The following TMEM201 variants were observed in gnomAD, a reference collection of about 807,000 sequenced individuals.
TMEM201 encodes the protein RP13-15M17.2.
Under a neutral mutation model 63.4 loss-of-function variants are expected in TMEM201, and 26 were observed. The ratio of observed to expected loss-of-function variants is 0.41; its 90% CI spans 0.30 to 0.57. The LOEUF (loss-of-function observed/expected upper bound fraction) is 0.57, where lower values mean the gene tolerates loss of function less well. Ranked by LOEUF, TMEM201 falls within the 20% of genes least tolerant of loss-of-function variation. TMEM201 has a pLI of 0.29. For synonymous variants in TMEM201, 417 were observed against 421.6 expected (o/e 0.99, Z 0.14); for missense variants, 794 against 917.7 (o/e 0.87, Z 1.74).
At chr1:9,609,506 T>C (rs1244513703) in intron 7 of TMEM201, among the ~76,000 whole-genome samples, 1 of 152,038 alleles carries the variant, frequency 6.6e-6, no homozygotes, top group Admixed American at 6.6e-5. Context: ...GAGTGGACAA[T>C]ATGCCCAGTG....
At chr1:9,594,416 G>A (rs182319978) in intron 1 of TMEM201, among the ~76,000 whole-genome samples, 52 of 152,250 alleles carry the variant, frequency 3.4e-4, no homozygotes, top group African/African-American at 1.2e-3. Context: ...GGCCTTCCCC[G>A]CAGGGCCTGG....
chr1:9,595,728 C>T (rs1026747665), intron 1 of TMEM201, among the ~76,000 whole-genome samples, 162 bp from the exon 2 acceptor site: 1 of 152,158 alleles, frequency 6.6e-6, no homozygotes, highest in Non-Finnish European at 1.5e-5. Flanking sequence ...AGCCCTTGTT[C>T]CTCCTGCTGT....
At position 9,607,515 on chromosome 1, in the gene TMEM201, C is replaced by G. The variant is rs991991069; in HGVS notation, c.1161-42C>G. ...CTGCAAGGCTGCCTCCAGGACCTCC[C>G]GCTGACCCTCTTCTTGTCCCGTGCC... On this transcript the variant is annotated intron_variant, in intron 6 of 10. Transcript: ENST00000340381. This position sits in a 1 kb window ranked among gnomAD's most constrained non-coding sequence, Gnocchi z 5.4. The G allele has an allele frequency of 6.7e-7, 1 of 1,490,296 alleles. No individual in the cohort carries two copies. Among genetic ancestry groups the G allele is most frequent in the Admixed American group, 2.0e-5 (1 of 49,112 alleles). The allele number at this position is 1,490,296 out of a possible 1,614,324, so 92.3% of individuals were successfully genotyped here. A position where few individuals can be genotyped will look rare whatever the true frequency, so the allele number is the denominator to read the frequency against.
chr1:9,589,351 C>T (rs1313539309), intron 1 of TMEM201, among the ~76,000 whole-genome samples: 1 of 152,260 alleles, frequency 6.6e-6, no homozygotes, highest in East Asian at 1.9e-4. Flanking sequence ...CCCCTGCCCT[C>T]AGCCCCGTGC....
intron 4 of TMEM201, 88 bp downstream of exon 4, chr1:9,598,713 G>T (rs1386124233): frequency 7.4e-7 from 1 of 1,349,150 alleles, no homozygotes; most frequent in African/African-American, 1.5e-5. Context: ...GTGACCAGAG[G>T]GTAGCTCTTC....
rs763000726 is a variant in TMEM201 at position 9,596,016 on chromosome 1, G to A, written c.234+6G>A. Reference sequence around the variant, plus strand: ...AGTACAACGGCTTCCAGGAGGTGTGGGTCACAGGCAGGCGGACGGGTGGGC... The same window carrying A: ...AGTACAACGGCTTCCAGGAGGTGTGAGTCACAGGCAGGCGGACGGGTGGGC... On this transcript the variant is annotated splice_donor_region_variant and intron_variant, in intron 2 of 10. Coordinates refer to ENST00000340381, the MANE Select transcript of TMEM201 (RefSeq NM_001130924.3). 3 of 1,611,940 alleles carry A rather than the reference G, an allele frequency of 1.9e-6. No individual in the cohort carries two copies. The highest frequency in any genetic ancestry group is 1.3e-5 in the African/African-American group (1 of 75,020).
At chr1:9,596,155 ATGG>A in intron 2 of TMEM201, 145 bp downstream of exon 2, 1 of 1,118,224 alleles carries the variant, frequency 8.9e-7, no homozygotes, top group Non-Finnish European at 1.3e-6. Flanking sequence ...GGCCCTGAGC[ATGG>A]TGTTTCGTGT....
Position 9,604,416 on chromosome 1 carries a change from A to G in TMEM201, c.1160+2144A>G, listed in dbSNP as rs1448399627. ...TTTTGTGTGACTTTTTAAATTATTC[A>G]TGTGTCCCTTAAAAGTTTCACTACG... is the stretch of plus-strand genomic sequence containing the variant. On this transcript the variant is annotated intron_variant, in intron 6 of 10. Transcript: ENST00000340381. The surrounding 1 kb of genome is among the most constrained non-coding windows in gnomAD (Gnocchi z 4.1). 3.0e-6 allele frequency: 3 copies of G among 985,284 alleles called. No individual in the cohort carries two copies. Among genetic ancestry groups the G allele is most frequent in the African/African-American group, 3.5e-5 (2 of 57,234 alleles). The allele number at this position is 985,284 out of a possible 1,614,324, so 61.0% of individuals were successfully genotyped here.
intron 10 of TMEM201, among the ~76,000 whole-genome samples, chr1:9,612,687 T>G (rs376362707): frequency 2.4e-4 from 36 of 152,254 alleles, no homozygotes; most frequent in African/African-American, 8.7e-4. Flanking sequence ...ATCTGTAAAG[T>G]GGCCATTGTG....
chr1:9,601,209 C>A lies in TMEM201; in HGVS notation c.711C>A (p.Ser237Arg), dbSNP rs142026474. The change falls in exon 5 of 11, where the codon AGC becomes AGA. Residue 237 changes from serine to arginine, a missense_variant. Transcript: ENST00000340381. Reference sequence around the variant, plus strand: ...TGACCACCGCGCTGTATGGGGCCAGCGGACACTTCGCCCCAGGCACCACTG... The same window carrying A: ...TGACCACCGCGCTGTATGGGGCCAGAGGACACTTCGCCCCAGGCACCACTG... Reference protein sequence around the residue: ...FLLTTALYGASGHFAPGTTVP... With the variant: ...FLLTTALYGARGHFAPGTTVP... The A allele has an allele frequency of 1.5e-5, 24 of 1,612,324 alleles. No homozygotes were observed. In the Admixed American group the frequency reaches 3.0e-4, roughly 20 times the overall value.
In TMEM201 at chr1:9,604,440, C is replaced by T. The variant is rs930548430; in HGVS notation, c.1160+2168C>T. The T allele has an allele frequency of 8.5e-5, 84 of 985,292 alleles. No individual in the cohort carries two copies. Among genetic ancestry groups the T allele is most frequent in the African/African-American group, 3.8e-4 (22 of 57,222 alleles). The allele number at this position is 985,292 out of a possible 1,614,324, so 61.0% of individuals were successfully genotyped here. A position where few individuals can be genotyped will look rare whatever the true frequency, so the allele number is the denominator to read the frequency against. On this transcript the variant is annotated intron_variant, in intron 6 of 10. Transcript: ENST00000340381. This position sits in a 1 kb window ranked among gnomAD's most constrained non-coding sequence, Gnocchi z 4.1. ...CATGTGTCCCTTAAAAGTTTCACTACGTGGAGAAAATTCCAGCACCAAGTG... is the reference window on the plus strand; with the variant it reads ...CATGTGTCCCTTAAAAGTTTCACTATGTGGAGAAAATTCCAGCACCAAGTG...
chr1:9,598,526 G>T lies in TMEM201; in HGVS notation c.507G>T (p.Ala169=), dbSNP rs1319179663. The change falls in exon 4 of 11, where the codon GCG becomes GCT. Residue 169 remains alanine (A), a synonymous_variant. Transcript: ENST00000340381. ...QMYKLCRPCQ[A]AVEYYIKHQN... ...ACAAGCTGTGCCGGCCGTGCCAAGC[G>T]GCTGTGGAGTACTACATCAAGCACC... is the stretch of plus-strand genomic sequence containing the variant. 1 of 1,613,786 alleles carries T rather than the reference G, an allele frequency of 6.2e-7. No individual in the cohort carries two copies. Among genetic ancestry groups the T allele is most frequent in the Non-Finnish European group, 8.5e-7 (1 of 1,180,030 alleles).
At position 9,608,755 on chromosome 1, in the gene TMEM201, G is replaced by T. The variant is rs950141558; in HGVS notation, c.1393+966G>T. Among the ~76,000 whole-genome samples, 1 of 152,190 alleles carries T rather than the reference G, an allele frequency of 6.6e-6. No homozygotes were observed. Among genetic ancestry groups the T allele is most frequent in the Non-Finnish European group, 1.5e-5 (1 of 68,026 alleles). On this transcript the variant is annotated intron_variant, in intron 7 of 10. Transcript: ENST00000340381. The surrounding 1 kb of genome is among the most constrained non-coding windows in gnomAD (Gnocchi z 4.3). ...TCAGGCCTCCAAGGCAGGGGCTCCTGCCCACAGAGAAGAACAGGCAATCTC... is the reference window on the plus strand; with the variant it reads ...TCAGGCCTCCAAGGCAGGGGCTCCTTCCCACAGAGAAGAACAGGCAATCTC...
At chr1:9,596,151 G>A in intron 2 of TMEM201, 141 bp downstream of exon 2, 1 of 1,131,452 alleles carries the variant, frequency 8.8e-7, no homozygotes, top group Non-Finnish European at 1.2e-6. Context: ...TCCAGGCCCT[G>A]AGCATGGTGT....
intron 9 of TMEM201, chr1:9,611,009 T>C: frequency 1.3e-6 from 2 of 1,532,020 alleles, no homozygotes; most frequent in South Asian, 2.4e-5. Context: ...GTTTCTCCTT[T>C]TGCAGTTGAC....
In TMEM201 at chr1:9,613,114, AC is replaced by A; in HGVS notation, c.*34del. On this transcript the variant is annotated 3_prime_UTR_variant, in exon 11 of 11. Transcript: ENST00000340381. ...CGTTGGAGCCCCTCGGAGGGGAGCAACCCGGTGCCTGCTGCTTCACCACTGC... is the reference window on the plus strand; with the variant it reads ...CGTTGGAGCCCCTCGGAGGGGAGCAACCGGTGCCTGCTGCTTCACCACTGC... 6.5e-7 allele frequency: 1 copy of A among 1,544,396 alleles called. No individual in the cohort carries two copies. The highest frequency in any genetic ancestry group is 1.2e-5 in the South Asian group (1 of 83,982).
rs1245198874 is a variant in TMEM201 at position 9,589,006 on chromosome 1, G to A, written c.76G>A (p.Ala26Thr). 7 of 1,177,962 alleles carry A rather than the reference G, an allele frequency of 5.9e-6. No individual in the cohort carries two copies. Among genetic ancestry groups the A allele is most frequent in the African/African-American group, 5.0e-5 (3 of 59,978 alleles). 73.0% of individuals were successfully genotyped at this position (1,177,962 alleles called of 1,614,324 possible). A position where few individuals can be genotyped will look rare whatever the true frequency, so the allele number is the denominator to read the frequency against. Residue 26 changes from alanine (A) to threonine (T), a missense_variant, in exon 1 of 11, where the codon GCC (alanine) becomes ACC (threonine). Physicochemically the swap from Ala to Thr is moderately conservative, Grantham distance 58. Coordinates refer to ENST00000340381, the MANE Select transcript of TMEM201 (RefSeq NM_001130924.3). ...LAGGLGVTAC[A>T]AAGVLLYRIA... ...CGGCGGCCTGGGGGTCACGGCGTGC[G>A]CCGCGGCCGGCGTGTTGCTCTACCG...
chr1:9,592,794 T>TG (rs1643943862), intron 1 of TMEM201, among the ~76,000 whole-genome samples: 1 of 152,170 alleles, frequency 6.6e-6, no homozygotes, highest in South Asian at 2.1e-4. Flanking sequence ...CCGGGCTTCC[T>TG]CAGGCTTCCC....
Position 9,589,032 on chromosome 1 carries a change from G to A in TMEM201, c.102G>A (p.Arg34=), listed in dbSNP as rs1203294423. The change falls in exon 1 of 11, where the codon CGG becomes CGA. Residue 34 remains arginine, a synonymous_variant. Coordinates refer to ENST00000340381, the MANE Select transcript of TMEM201 (RefSeq NM_001130924.3). The part of the protein sequence containing the change: ...ACAAAGVLLY[R]IARRMKPTHT... ...CCGCGGCCGGCGTGTTGCTCTACCGGATCGCGCGGAGGTGAGTGCATGGTT... is the reference window on the plus strand; with the variant it reads ...CCGCGGCCGGCGTGTTGCTCTACCGAATCGCGCGGAGGTGAGTGCATGGTT... 1.9e-5 allele frequency: 22 copies of A among 1,142,702 alleles called. No individual in the cohort carries two copies. Among genetic ancestry groups the A allele is most frequent in the Non-Finnish European group, 2.0e-5 (19 of 927,502 alleles). 70.8% of individuals were successfully genotyped at this position (1,142,702 alleles called of 1,614,324 possible).
Sources: allele counts gnomAD v4.1 joint callset (sites outside exome capture counted in the v4.1 genomes callset), GRCh38; gene constraint gnomAD v4.1.1; non-coding constraint Gnocchi (gnomAD v3.1); transcripts MANE v1.5; gene names NCBI Gene and HGNC (gene_info 2026-07-23, HGNC 2026-07-21).